The following RBFOX1 variants were observed in gnomAD, a reference collection of about 807,000 sequenced individuals.
RBFOX1 encodes the protein RNA binding protein fox-1 homolog 1.
RBFOX1 carries 8 observed loss-of-function variants against 57.7 expected under a neutral mutation model. The observed-to-expected ratio is 0.14, with a 90% confidence interval of 0.08 to 0.25. RBFOX1 has a LOEUF of 0.25. RBFOX1 is among the 10% of genes least tolerant of loss of function. The probability of loss-of-function intolerance (pLI) is 1.00; values close to 1 mark genes in which losing one functional copy is unlikely to be tolerated. For synonymous variants in RBFOX1, 326 were observed against 222.4 expected, an observed-to-expected ratio of 1.47 and a Z score of -4.15; for missense variants, 611 against 548.5, an observed-to-expected ratio of 1.11 and a Z score of -1.14.
At chr16:5,974,319 G>GTTT (rs2060019743) in intron 4 of RBFOX1, among the ~76,000 whole-genome samples, 1 of 152,152 alleles carries the variant, frequency 6.6e-6, no homozygotes, top group Non-Finnish European at 1.5e-5. Flanking sequence ...CTGATTAAAA[G>GTTT]AGATCTGGGC....
intron 1 of RBFOX1, among the ~76,000 whole-genome samples, chr16:5,440,767 G>A (rs1006300625): frequency 6.6e-6 from 1 of 152,130 alleles, no homozygotes; most frequent in Non-Finnish European, 1.5e-5. Flanking sequence ...AAATTCAAGG[G>A]TAGTTATTTG....
intron 3 of RBFOX1, among the ~76,000 whole-genome samples, chr16:5,747,547 C>T (rs1597083525): frequency 6.6e-6 from 1 of 151,824 alleles, no homozygotes; most frequent in Admixed American, 6.6e-5. Context: ...TATTATTGCC[C>T]CAATTTGAGA....
At chr16:5,877,443 G>T (rs969954363) in intron 4 of RBFOX1, among the ~76,000 whole-genome samples, 1 of 152,236 alleles carries the variant, frequency 6.6e-6, no homozygotes, top group East Asian at 1.9e-4. Context: ...CCTAGAGGGG[G>T]CTGTTTAGCT....
intron 3 of RBFOX1, among the ~76,000 whole-genome samples, chr16:5,643,828 A>C (rs569943108): frequency 1.5e-4 from 23 of 152,240 alleles, no homozygotes; most frequent in Non-Finnish European, 3.2e-4. Flanking sequence ...ATAATGTGCC[A>C]GGCACATTCA....
At chr16:5,412,715 C>T (rs566133687) in intron 1 of RBFOX1, among the ~76,000 whole-genome samples, 7 of 152,266 alleles carry the variant, frequency 4.6e-5, no homozygotes, top group African/African-American at 1.2e-4. Context: ...TCAGAGGAGT[C>T]GGAATTAGCG....
At chr16:7,501,704 G>A (rs732207) in intron 4 of RBFOX1, among the ~76,000 whole-genome samples, 18,484 of 152,176 alleles carry the variant, frequency 0.12, 1,702 homozygotes, top group African/African-American at 0.26. Context: ...TTGTCAGTCT[G>A]TATCCTACCA....
At chr16:6,495,276 GC>G (rs2095738757) in intron 2 of RBFOX1, among the ~76,000 whole-genome samples, 1 of 152,134 alleles carries the variant, frequency 6.6e-6, no homozygotes, top group Non-Finnish European at 1.5e-5. Context: ...CCGCCACCAT[GC>G]CTGGCTAATT....
intron 3 of RBFOX1, among the ~76,000 whole-genome samples, chr16:7,041,242 A>G (rs1051591393): frequency 6.6e-6 from 1 of 151,940 alleles, no homozygotes; most frequent in Non-Finnish European, 1.5e-5. Context: ...CCCTGTAAAT[A>G]AAATTTTATT....
At chr16:6,258,479 T>C (rs2152622536) in intron 1 of RBFOX1, among the ~76,000 whole-genome samples, 1 of 152,306 alleles carries the variant, frequency 6.6e-6, no homozygotes, top group Non-Finnish European at 1.5e-5. Context: ...TTTTACACTC[T>C]GTTTCCAAAT....
At chr16:6,977,301 A>C (rs1242579177) in intron 3 of RBFOX1, among the ~76,000 whole-genome samples, 1 of 151,662 alleles carries the variant, frequency 6.6e-6, no homozygotes, top group African/African-American at 2.4e-5. Flanking sequence ...AATTTTCTTA[A>C]TTATTGTGTT....
chr16:5,721,537 T>G (rs2051935095), intron 3 of RBFOX1, among the ~76,000 whole-genome samples: 1 of 152,218 alleles, frequency 6.6e-6, no homozygotes, highest in Non-Finnish European at 1.5e-5. Context: ...CACCTTTGTC[T>G]TGCCCCTCAT....
At chr16:7,140,397 G>A (rs2073443529) in intron 4 of RBFOX1, among the ~76,000 whole-genome samples, 2 of 149,266 alleles carry the variant, frequency 1.3e-5, no homozygotes, top group East Asian at 2.0e-4. Context: ...GTGCCACTTC[G>A]CTCAGTTTGC....
chr16:7,202,414 C>G (rs2088804591), intron 4 of RBFOX1, among the ~76,000 whole-genome samples: 1 of 151,944 alleles, frequency 6.6e-6, no homozygotes. Flanking sequence ...TGGAAGACAG[C>G]ATGGAGATTC....
At chr16:7,468,037 G>A (rs1333417862) in intron 4 of RBFOX1, among the ~76,000 whole-genome samples, 1 of 152,316 alleles carries the variant, frequency 6.6e-6, no homozygotes, top group East Asian at 1.9e-4. Flanking sequence ...CGACTTGTTA[G>A]CCGCTGAACT....
At chr16:6,740,551 A>T (rs956373907) in intron 3 of RBFOX1, among the ~76,000 whole-genome samples, 1 of 152,238 alleles carries the variant, frequency 6.6e-6, no homozygotes, top group Non-Finnish European at 1.5e-5. Context: ...AAGTCACAGG[A>T]TATGAAATCA....
At chr16:6,659,002 G>A (rs549808576) in intron 3 of RBFOX1, among the ~76,000 whole-genome samples, 1 of 151,236 alleles carries the variant, frequency 6.6e-6, no homozygotes, top group South Asian at 2.1e-4. Flanking sequence ...TTTAGCAAAG[G>A]TGACGGGAGG....
rs199840225 is a variant in RBFOX1 at position 5,424,847 on chromosome 16, TTC to T, written c.220-42357_220-42356del. Among the ~76,000 whole-genome samples the T allele has an allele frequency of 1.5e-3, 228 of 147,124 alleles. 5 individuals carry two copies. The highest frequency in any genetic ancestry group is 6.8e-3 in the Middle Eastern group (2 of 294). Reference sequence around the variant, plus strand: ...TCCTCTCCTCTCTTTCTTTCTTTCTTTCTCTCTCTCTCTTCTTTCTTTCTTTT... The same window carrying T: ...TCCTCTCCTCTCTTTCTTTCTTTCTTTCTCTCTCTCTTCTTTCTTTCTTTT... On this transcript the variant is annotated intron_variant, in intron 1 of 2. Transcript: ENST00000585867.
chr16:5,850,610 G>C (rs1318598666), intron 3 of RBFOX1, among the ~76,000 whole-genome samples: 1 of 152,166 alleles, frequency 6.6e-6, no homozygotes, highest in Non-Finnish European at 1.5e-5. Context: ...ACTATTTTCG[G>C]TGTCTTATGT....
At chr16:5,842,721 G>C (rs973869701) in intron 3 of RBFOX1, among the ~76,000 whole-genome samples, 2 of 152,286 alleles carry the variant, frequency 1.3e-5, no homozygotes, top group Admixed American at 6.5e-5. Context: ...AAGGCAATGG[G>C]TTAGTCCCAT....
Sources: gnomAD v4.1 joint callset for allele counts (sites outside exome capture counted in the v4.1 genomes callset) on GRCh38, gnomAD v4.1.1 for gene constraint, MANE v1.5 for transcripts, NCBI Gene and HGNC (gene_info 2026-07-23, HGNC 2026-07-21) for gene names.